The following ZNF765 variants were observed in gnomAD, a reference collection of about 807,000 sequenced individuals.
ZNF765 encodes the protein zinc finger protein 765.
Under a neutral mutation model 44.7 loss-of-function variants are expected in ZNF765, and 37 were observed. That is an observed-to-expected ratio of 0.83 (90% confidence interval 0.64 to 1.09). The LOEUF (loss-of-function observed/expected upper bound fraction) is 1.09. Among genes scored for constraint, ZNF765 ranks in the 50% least tolerant of loss-of-function variants. The pLI is 0.00. For synonymous variants in ZNF765, 201 were observed against 213.7 expected, an observed-to-expected ratio of 0.94 and a Z score of 0.52; for missense variants, 594 against 626.1, an observed-to-expected ratio of 0.95 and a Z score of 0.55.
rs2085832068 is a variant in ZNF765 at position 53,411,329 on chromosome 19, G to C, written c.*2202G>C. The C allele has an allele frequency of 8.2e-6, 1 of 121,756 alleles. No individual in the cohort carries two copies. Among genetic ancestry groups the C allele is most frequent in the South Asian group, 2.4e-4 (1 of 4,130 alleles). The allele number at this position is 121,756 out of a possible 1,614,324, so 7.5% of individuals were successfully genotyped here. A position where few individuals can be genotyped will look rare whatever the true frequency, so the allele number is the denominator to read the frequency against. On this transcript the variant is annotated 3_prime_UTR_variant, in exon 4 of 4. Coordinates refer to ENST00000396408, the MANE Select transcript of ZNF765 (RefSeq NM_001040185.3). ...TTTTTTGAGATGGAGTTTCACTCTT[G>C]TTGCCCAGGCTGGACTGCAATGGAG...
Position 53,408,792 on chromosome 19 carries a change from T to G in ZNF765, c.1237T>G (p.Cys413Gly), listed in dbSNP as rs377494165. Residue 413 changes from cysteine (C) to glycine (G), a missense_variant, in exon 4 of 4, where the codon TGT becomes GGT. This residue lies in a region of ZNF765 where 567 missense variants were observed against 572.6 expected (regional missense o/e 0.99). Coordinates refer to ENST00000396408, the MANE Select transcript of ZNF765 (RefSeq NM_001040185.3). ...TCATACTGAAGAGAAACCTTACAAG[T>G]GTAATGAGTGTGGCAAGACCTTCAA... ...RLHTEEKPYK[C>G]NECGKTFNQQ... is the part of the protein sequence containing the mutation. 148 of 1,614,052 alleles carry G rather than the reference T, an allele frequency of 9.2e-5. No homozygotes were observed. Among genetic ancestry groups the G allele is most frequent in the Middle Eastern group, 1.6e-4 (1 of 6,084 alleles).
chr19:53,414,500 C>T (rs1210625558), downstream of ZNF765, among the ~76,000 whole-genome samples: 2 of 44,250 alleles, frequency 4.5e-5, 1 homozygote, highest in Non-Finnish European at 1.2e-4. Flanking sequence ...CCCCCCCCCC[C>T]CCCCCCCCCG....
At chr19:53,396,295 C>T (rs542321892) in intron 1 of ZNF765, among the ~76,000 whole-genome samples, 23 of 152,082 alleles carry the variant, frequency 1.5e-4, no homozygotes, top group Admixed American at 1.0e-3. Flanking sequence ...GCAGAGGAGG[C>T]GCAGAGATGG....
exon 4 of ZNF765, chr19:53,426,328 T>G (rs2085939407): frequency 1.3e-5 from 2 of 152,176 alleles, no homozygotes; most frequent in African/African-American, 4.8e-5. Context: ...ATCCCCTGGC[T>G]TTTCTGAAGT....
chr19:53,425,691 G>C (rs973137801), exon 4 of ZNF765: 1 of 152,240 alleles, frequency 6.6e-6, no homozygotes, highest in African/African-American at 2.4e-5. Flanking sequence ...GTCAGTAGAC[G>C]CAGGGGTGGG....
rs752299899 is a variant in ZNF765 at position 53,408,897 on chromosome 19, A to C, written c.1342A>C (p.Ser448Arg). Residue 448 changes from serine to arginine, a missense_variant, in exon 4 of 4, where the codon AGT (serine) becomes CGT (arginine). Ser to Arg is a moderately radical substitution (Grantham distance 110). Transcript: ENST00000396408. ...YKCEECDKAY[S>R]FKSNLEIHQK... ...ATGTGAAGAATGTGACAAAGCCTAC[A>C]GTTTCAAATCAAACCTTGAAATACA... is the stretch of plus-strand genomic sequence containing the variant. The C allele has an allele frequency of 3.7e-6, 6 of 1,613,920 alleles. No homozygotes were observed. The South Asian group carries it at 6.6e-5, about 18-fold the overall frequency.
At position 53,399,679 on chromosome 19, in the gene ZNF765, CA is replaced by C. The variant is rs34934002; in HGVS notation, c.15+1664del. On this transcript the variant is annotated intron_variant, in intron 2 of 3. Transcript: ENST00000396408. ...CTGGGCACAGATCAAGACTCCATCT[CA>C]AAAAAAAAAAAAAATTTTTACGTTT... Among the ~76,000 whole-genome samples the C allele has an allele frequency of 5.1e-3, 686 of 135,292 alleles. 2 individuals carry two copies. Among genetic ancestry groups the C allele is most frequent in the Middle Eastern group, 0.011 (3 of 262 alleles). 88.8% of individuals were successfully genotyped at this position (135,292 alleles called of 152,430 possible).
At chr19:53,416,595 C>T (rs530434731), downstream of ZNF765, among the ~76,000 whole-genome samples, 21 of 151,942 alleles carry the variant, frequency 1.4e-4, no homozygotes, top group African/African-American at 3.4e-4. Flanking sequence ...AAATTATTAC[C>T]GTCTGGGATA....
intron 3 of ZNF765, among the ~76,000 whole-genome samples, chr19:53,419,350 T>A (rs1356294947): frequency 6.6e-6 from 1 of 152,186 alleles, no homozygotes; most frequent in African/African-American, 2.4e-5. Flanking sequence ...CAAGTGGCAG[T>A]TCTGGGGCTA....
chr19:53,401,887 A>G lies in ZNF765; in HGVS notation c.16-178A>G, dbSNP rs1555831374. On this transcript the variant is annotated intron_variant, in intron 2 of 3. Coordinates refer to ENST00000396408, the MANE Select transcript of ZNF765 (RefSeq NM_001040185.3). The stretch of plus-strand genomic sequence containing the variant: ...TGAGACTCCACCTTTAAAAAAAAAA[A>G]AAAGAACTTTAGTAAACACAACTGG... 4 of 1,542,426 alleles carry G rather than the reference A, an allele frequency of 2.6e-6. No homozygotes were observed. The East Asian group carries it at 9.1e-5, about 35-fold the overall frequency.
chr19:53,422,811 T>G (rs1300221594), intron 3 of ZNF765, among the ~76,000 whole-genome samples: 2 of 152,166 alleles, frequency 1.3e-5, no homozygotes, highest in African/African-American at 4.8e-5. Flanking sequence ...GCTGCTGGGA[T>G]GTGGCCATGG....
At chr19:53,395,588 C>T (rs1010733616) in intron 1 of ZNF765, among the ~76,000 whole-genome samples, 4 of 152,252 alleles carry the variant, frequency 2.6e-5, no homozygotes, top group African/African-American at 9.6e-5. Context: ...GAGGCCGCGT[C>T]CTCTGTCTGG....
At position 53,418,910 on chromosome 19, in the gene ZNF765, GAAAAAA is replaced by G. The variant is rs34443506; in HGVS notation, c.143-4136_143-4131del. On this transcript the variant is annotated intron_variant, in intron 3 of 3. Transcript: ENST00000594030. ...TAAGAGCGAAACTCCGTTGTGGGAG[GAAAAAA>G]AAAAAAAAAAAAAAAGTCCAGATAA... is the stretch of plus-strand genomic sequence containing the variant. Among the ~76,000 whole-genome samples, 34 of 96,846 alleles carry G rather than the reference GAAAAAA, an allele frequency of 3.5e-4. 1 individual carries two copies. Among genetic ancestry groups the G allele is most frequent in the Middle Eastern group, 0.016 (2 of 122 alleles). 63.5% of individuals were successfully genotyped at this position (96,846 alleles called of 152,430 possible). A position where few individuals can be genotyped will look rare whatever the true frequency, so the allele number is the denominator to read the frequency against.
chr19:53,410,994 G>A lies in ZNF765; in HGVS notation c.*1867G>A. 5.6e-6 allele frequency: 2 copies of A among 356,126 alleles called. No individual in the cohort carries two copies. The highest frequency in any genetic ancestry group is 1.1e-5 in the Non-Finnish European group (2 of 177,252). The allele number at this position is 356,126 out of a possible 1,614,324, so 22.1% of individuals were successfully genotyped here. ...TGCAGGATATCAGAAAATTCATTTT[G>A]GAGATAGTTGTTCCAAATACAATGT... is the stretch of plus-strand genomic sequence containing the variant. On this transcript the variant is annotated 3_prime_UTR_variant, in exon 4 of 4. Transcript: ENST00000396408.
chr19:53,420,199 G>A lies in ZNF765; in HGVS notation c.143-2863G>A, dbSNP rs1401219244. 3.3e-5 allele frequency among the ~76,000 whole-genome samples: 5 copies of A among 152,034 alleles called. No homozygotes were observed. The South Asian group carries it at 1.0e-3, about 32-fold the overall frequency. On this transcript the variant is annotated intron_variant, in intron 3 of 3. Coordinates refer to the ZNF765 transcript ENST00000594030. ...ATACAAAAATTAGCTTGGCGTGGTG[G>A]CGCATGCCTGTAATCCCAGCTACTC... is the stretch of plus-strand genomic sequence containing the variant.
intron 3 of ZNF765, among the ~76,000 whole-genome samples, chr19:53,403,898 C>T (rs2085751701): frequency 6.6e-6 from 1 of 151,446 alleles, no homozygotes; most frequent in Non-Finnish European, 1.5e-5. Flanking sequence ...CACTCTTTCT[C>T]TACTAGAACT....
intron 3 of ZNF765, among the ~76,000 whole-genome samples, chr19:53,404,875 T>C (rs2085760281): frequency 6.6e-6 from 1 of 152,080 alleles, no homozygotes. Flanking sequence ...TTCAGTGATG[T>C]TGATGATGAG....
chr19:53,399,507 A>T (rs548165195), intron 2 of ZNF765, among the ~76,000 whole-genome samples: 2 of 152,010 alleles, frequency 1.3e-5, no homozygotes, highest in South Asian at 4.2e-4. Context: ...AATAAATTGA[A>T]AAAAAAATAA....
Position 53,408,962 on chromosome 19 carries a change from T to G in ZNF765, c.1407T>G (p.Asn469Lys). 6.2e-7 allele frequency: 1 copy of G among 1,603,994 alleles called. No homozygotes were observed. Among genetic ancestry groups the G allele is most frequent in the East Asian group, 2.3e-5 (1 of 44,288 alleles). ...CTGAAGAGAATCCTTACAAGTGTAA[T>G]GAGTGTGGCAAGACCTTCAGCCGGA... ...IHTEENPYKC[N>K]ECGKTFSRTS... The change falls in exon 4 of 4, where the codon AAT becomes AAG. Residue 469 changes from asparagine (N) to lysine (K), a missense_variant. By Grantham distance (94) the Asn-to-Lys change is moderately conservative. Coordinates refer to ENST00000396408, the MANE Select transcript of ZNF765 (RefSeq NM_001040185.3).
Sources: allele counts gnomAD v4.1 joint callset (sites outside exome capture counted in the v4.1 genomes callset), GRCh38; gene constraint gnomAD v4.1.1; regional missense constraint gnomAD v4.1.1; transcripts MANE v1.5; gene names NCBI Gene and HGNC (gene_info 2026-07-23, HGNC 2026-07-21).